CNTN5: variants seen among roughly 807,000 people sequenced by gnomAD.
CNTN5 encodes contactin 5.
In CNTN5, 77 loss-of-function variants were observed where a neutral mutation model predicts 129.1. That is an observed-to-expected ratio of 0.60 (90% CI 0.50 to 0.72). The LOEUF (loss-of-function observed/expected upper bound fraction) is 0.72, where lower values mean the gene tolerates loss of function less well. Ranked by LOEUF, CNTN5 falls within the 30% of genes least tolerant of loss-of-function variation. The pLI is 0.00. For missense variants in CNTN5, 1,478 were observed against 1,328.8 expected (o/e 1.11, Z -1.75); for synonymous variants, 509 against 465.6 (o/e 1.09, Z -1.20).
intron 18 of CNTN5, among the ~76,000 whole-genome samples, chr11:100,293,320 A>G (rs1249772324): frequency 1.3e-5 from 2 of 151,806 alleles, no homozygotes; most frequent in Admixed American, 1.3e-4. Flanking sequence ...GAAATATCCT[A>G]GCAATCTCTT....
intron 2 of CNTN5, among the ~76,000 whole-genome samples, chr11:99,500,175 T>G (rs1434494997): frequency 2.0e-5 from 3 of 152,196 alleles, no homozygotes; most frequent in Non-Finnish European, 2.9e-5. Flanking sequence ...GGCGCAAAAG[T>G]AATTGTGATT....
intron 8 of CNTN5, among the ~76,000 whole-genome samples, chr11:99,978,523 A>T (rs980426752): frequency 1.3e-5 from 2 of 152,174 alleles, no homozygotes; most frequent in African/African-American, 4.8e-5. Context: ...ATTGTTATTT[A>T]TATCATATTT....
chr11:100,171,929 AG>A (rs1947839899), intron 13 of CNTN5, among the ~76,000 whole-genome samples: 1 of 152,058 alleles, frequency 6.6e-6, no homozygotes, highest in South Asian at 2.1e-4. Context: ...GTTTTTTCAA[AG>A]TATGGTTCAA....
intron 1 of CNTN5, among the ~76,000 whole-genome samples, chr11:99,070,078 A>G (rs1020780947): frequency 6.6e-5 from 10 of 152,096 alleles, no homozygotes; most frequent in African/African-American, 2.4e-4. Flanking sequence ...CCTGACGACC[A>G]CTTAGTCCGC....
At chr11:99,307,102 G>T (rs1192085464) in intron 1 of CNTN5, among the ~76,000 whole-genome samples, 1 of 152,116 alleles carries the variant, frequency 6.6e-6, no homozygotes, top group Non-Finnish European at 1.5e-5. Context: ...AACATGAATT[G>T]TTGTATGGTC....
chr11:99,954,358 T>TAA (rs5794032), intron 7 of CNTN5, among the ~76,000 whole-genome samples: 1 of 151,816 alleles, frequency 6.6e-6, no homozygotes, highest in African/African-American at 2.4e-5. Context: ...ACCATACTGT[T>TAA]AAAAAAAAAC....
At chr11:99,487,378 T>C (rs1479895197) in intron 2 of CNTN5, among the ~76,000 whole-genome samples, 1 of 152,198 alleles carries the variant, frequency 6.6e-6, no homozygotes, top group Non-Finnish European at 1.5e-5. Flanking sequence ...TGATTACTTA[T>C]GTAATAAAGC....
chr11:99,639,323 G>A (rs1057486780), intron 3 of CNTN5, among the ~76,000 whole-genome samples: 2 of 152,278 alleles, frequency 1.3e-5, no homozygotes, highest in South Asian at 2.1e-4. Flanking sequence ...TGGGCCTGTG[G>A]TGTGAGGAAT....
At chr11:99,727,546 C>T (rs900160616) in intron 3 of CNTN5, among the ~76,000 whole-genome samples, 1 of 151,626 alleles carries the variant, frequency 6.6e-6, no homozygotes. Context: ...TCAAATTTTC[C>T]TGGAACTCTA....
At chr11:99,666,813 G>A (rs183271519) in intron 3 of CNTN5, among the ~76,000 whole-genome samples, 60 of 152,200 alleles carry the variant, frequency 3.9e-4, no homozygotes, top group African/African-American at 1.4e-3. Flanking sequence ...AGAAGGGAGA[G>A]CTGAAAAAAC....
intron 13 of CNTN5, among the ~76,000 whole-genome samples, chr11:100,165,153 G>A (rs1947588370): frequency 6.6e-6 from 1 of 151,394 alleles, no homozygotes; most frequent in African/African-American, 2.4e-5. Context: ...AGGCAATTTT[G>A]GAAACATTAT....
intron 17 of CNTN5, among the ~76,000 whole-genome samples, chr11:100,262,001 G>A (rs1055137855): frequency 6.6e-6 from 1 of 152,150 alleles, no homozygotes; most frequent in Non-Finnish European, 1.5e-5. Context: ...TATCATCATA[G>A]TGAACAGCCA....
chr11:100,121,328 G>A (rs998802281), intron 13 of CNTN5, among the ~76,000 whole-genome samples: 3 of 152,074 alleles, frequency 2.0e-5, no homozygotes, highest in African/African-American at 7.2e-5. Flanking sequence ...ACAAAAGTCT[G>A]CCTAGGTTTT....
intron 1 of CNTN5, among the ~76,000 whole-genome samples, chr11:99,142,918 T>G (rs1024625519): frequency 1.3e-5 from 2 of 152,132 alleles, no homozygotes; most frequent in African/African-American, 2.4e-5. Context: ...TAGGAGCACC[T>G]CAGGGCCAGG....
At chr11:99,703,875 C>T (rs534973167) in intron 3 of CNTN5, among the ~76,000 whole-genome samples, 136 of 150,942 alleles carry the variant, frequency 9.0e-4, no homozygotes, top group Non-Finnish European at 3.0e-4. Context: ...AATTATAGTG[C>T]ATGAGCTATA....
At chr11:99,609,206 T>C (rs182474862) in intron 3 of CNTN5, among the ~76,000 whole-genome samples, 108 of 152,000 alleles carry the variant, frequency 7.1e-4, no homozygotes, top group African/African-American at 2.4e-3. Flanking sequence ...TTGTTTAAAC[T>C]TGTGTTACAA....
chr11:99,558,859 G>A (rs757778798), intron 3 of CNTN5, among the ~76,000 whole-genome samples: 10 of 151,960 alleles, frequency 6.6e-5, no homozygotes, highest in Admixed American at 5.2e-4. Context: ...TCATATCTGC[G>A]GTTGATGTGC....
intron 2 of CNTN5, among the ~76,000 whole-genome samples, chr11:99,472,395 A>C (rs1026450307): frequency 5.9e-5 from 9 of 152,100 alleles, no homozygotes; most frequent in African/African-American, 2.2e-4. Context: ...CATTTACTGC[A>C]AATTTTGTGT....
At chr11:100,279,692 ACT>A (rs1336747893) in intron 18 of CNTN5, among the ~76,000 whole-genome samples, 1 of 149,582 alleles carries the variant, frequency 6.7e-6, no homozygotes. Context: ...TTATTTGTGT[ACT>A]CTCTTTTTTT....
Sources: allele counts gnomAD v4.1 joint callset (sites outside exome capture counted in the v4.1 genomes callset), GRCh38; gene constraint gnomAD v4.1.1; transcripts MANE v1.5; gene names NCBI Gene and HGNC (gene_info 2026-07-23, HGNC 2026-07-21).